Variants in PCDH9 observed in about 807,000 individuals in gnomAD.
PCDH9 encodes the protein protocadherin 9.
PCDH9 carries 24 observed loss-of-function variants against 70.6 expected under a neutral mutation model. The observed-to-expected ratio is 0.34, with a 90% CI of 0.25 to 0.48. The LOEUF is 0.48. Among genes scored for constraint, PCDH9 ranks in the 20% least tolerant of loss-of-function variants. The pLI, the probability that PCDH9 is intolerant of heterozygous loss-of-function variation, is 0.99. For synonymous variants in PCDH9, 562 were observed against 558.5 expected (o/e 1.01, Z -0.09); for missense variants, 1,281 against 1,503.6 (o/e 0.85, Z 2.45).
At chr13:66,817,640 T>C (rs1054998039) in intron 3 of PCDH9, among the ~76,000 whole-genome samples, 3 of 152,172 alleles carry the variant, frequency 2.0e-5, no homozygotes, top group Admixed American at 2.0e-4. Context: ...TTTATTTATT[T>C]ACTTTTTGAG....
chr13:67,140,822 A>G (rs963109182), intron 2 of PCDH9, among the ~76,000 whole-genome samples: 2 of 152,196 alleles, frequency 1.3e-5, no homozygotes, highest in Non-Finnish European at 2.9e-5. Flanking sequence ...CATTTCTCTC[A>G]TCATCTTGGC....
intron 4 of PCDH9, among the ~76,000 whole-genome samples, chr13:66,394,287 A>G (rs1415565174): frequency 1.3e-5 from 2 of 152,206 alleles, no homozygotes; most frequent in East Asian, 3.8e-4. Context: ...TAGTTTAAGA[A>G]ATATCAGCAT....
intron 4 of PCDH9, among the ~76,000 whole-genome samples, chr13:66,500,187 T>C (rs180964998): frequency 1.9e-4 from 29 of 152,330 alleles, no homozygotes; most frequent in African/African-American, 7.0e-4. Flanking sequence ...AGAGGGTAGT[T>C]ACATTGTTAC....
chr13:66,620,070 A>G (rs918593086), intron 4 of PCDH9, among the ~76,000 whole-genome samples: 2 of 152,162 alleles, frequency 1.3e-5, no homozygotes, highest in Non-Finnish European at 2.9e-5. Flanking sequence ...CTCTTTTTTA[A>G]TTATGCAATT....
At chr13:67,141,388 G>T (rs2087383148) in intron 2 of PCDH9, among the ~76,000 whole-genome samples, 1 of 151,966 alleles carries the variant, frequency 6.6e-6, no homozygotes, top group African/African-American at 2.4e-5. Flanking sequence ...AGGAGTTCAA[G>T]ACCAGCCTGG....
intron 4 of PCDH9, among the ~76,000 whole-genome samples, chr13:66,561,028 C>T (rs962291018): frequency 1.3e-5 from 2 of 152,204 alleles, no homozygotes; most frequent in Non-Finnish European, 2.9e-5. Flanking sequence ...TGGCCAAGGC[C>T]GGAGCCGGCT....
At chr13:66,742,538 C>T (rs1434692706) in intron 3 of PCDH9, among the ~76,000 whole-genome samples, 7 of 147,418 alleles carry the variant, frequency 4.7e-5, no homozygotes, top group African/African-American at 1.8e-4. Context: ...AAAGAAACTA[C>T]CATCAGAGTG....
chr13:66,913,152 G>T (rs2082497657), intron 2 of PCDH9, among the ~76,000 whole-genome samples: 1 of 151,904 alleles, frequency 6.6e-6, no homozygotes, highest in Non-Finnish European at 1.5e-5. Flanking sequence ...TCTTTAAAAA[G>T]TTCAGTGGTT....
intron 4 of PCDH9, among the ~76,000 whole-genome samples, chr13:66,406,734 T>C (rs1051948716): frequency 6.6e-6 from 1 of 152,140 alleles, no homozygotes. Context: ...CACTGAATCA[T>C]CAGCACCTAG....
At chr13:66,468,892 T>C (rs539164820) in intron 4 of PCDH9, among the ~76,000 whole-genome samples, 40 of 152,068 alleles carry the variant, frequency 2.6e-4, no homozygotes, top group Non-Finnish European at 4.3e-4. Flanking sequence ...CACAAAGATA[T>C]AGTCAGGCTG....
chr13:66,841,640 T>C (rs967184574), intron 3 of PCDH9, among the ~76,000 whole-genome samples: 2 of 152,168 alleles, frequency 1.3e-5, no homozygotes, highest in Non-Finnish European at 2.9e-5. Flanking sequence ...TCCACTTTTG[T>C]TGGAGATTCA....
chr13:66,342,474 CA>C (rs1956144786), intron 4 of PCDH9, among the ~76,000 whole-genome samples: 1 of 152,170 alleles, frequency 6.6e-6, no homozygotes. Context: ...CTCCTTATAA[CA>C]GGATAGTTAC....
intron 3 of PCDH9, among the ~76,000 whole-genome samples, chr13:66,644,799 C>T (rs1346406189): frequency 1.3e-5 from 2 of 151,922 alleles, no homozygotes; most frequent in Non-Finnish European, 2.9e-5. Context: ...TTTAAAGTTT[C>T]TACATTAAAT....
At chr13:67,146,915 G>C (rs9529193) in intron 2 of PCDH9, among the ~76,000 whole-genome samples, 34,345 of 152,050 alleles carry the variant, frequency 0.23, 4,737 homozygotes, top group Non-Finnish European at 0.3. Flanking sequence ...TAGGAAGTGA[G>C]ATTCTAGTTT....
At chr13:66,817,180 C>A (rs1423167159) in intron 3 of PCDH9, among the ~76,000 whole-genome samples, 1 of 151,954 alleles carries the variant, frequency 6.6e-6, no homozygotes, top group Non-Finnish European at 1.5e-5. Flanking sequence ...TATATAAGGG[C>A]CTTGAGAATC....
chr13:66,336,814 C>T (rs1179156183), intron 4 of PCDH9, among the ~76,000 whole-genome samples: 1 of 151,884 alleles, frequency 6.6e-6, no homozygotes, highest in Non-Finnish European at 1.5e-5. Context: ...CAACCTCAGC[C>T]CAGAAGCATC....
intron 4 of PCDH9, among the ~76,000 whole-genome samples, chr13:66,613,971 T>G (rs1028741148): frequency 4.6e-5 from 7 of 152,238 alleles, no homozygotes; most frequent in Non-Finnish European, 8.8e-5. Flanking sequence ...GAGAACTATT[T>G]GACTTGCAGG....
chr13:66,484,283 G>A (rs1309519419), intron 4 of PCDH9, among the ~76,000 whole-genome samples: 3 of 151,990 alleles, frequency 2.0e-5, no homozygotes, highest in Non-Finnish European at 4.4e-5. Flanking sequence ...TGAGACACAC[G>A]TCCACTGGGG....
At chr13:66,567,306 C>T (rs1413281983) in intron 4 of PCDH9, among the ~76,000 whole-genome samples, 1 of 152,108 alleles carries the variant, frequency 6.6e-6, no homozygotes, top group African/African-American at 2.4e-5. Flanking sequence ...TACCAGACTA[C>T]ATTTGAATAA....
Sources: gnomAD v4.1 joint callset for allele counts (sites outside exome capture counted in the v4.1 genomes callset) on GRCh38, gnomAD v4.1.1 for gene constraint, MANE v1.5 for transcripts, NCBI Gene and HGNC (gene_info 2026-07-23, HGNC 2026-07-21) for gene names.